The following ZMAT4 variants were observed in gnomAD, a reference collection of about 807,000 sequenced individuals.
ZMAT4 encodes the protein zinc finger matrin-type protein 4.
In ZMAT4, 17 loss-of-function variants were observed where a neutral mutation model predicts 28.7. The observed-to-expected ratio is 0.59, with a 90% confidence interval of 0.41 to 0.89. ZMAT4 has a LOEUF of 0.89. Among genes scored for constraint, ZMAT4 ranks in the 40% least tolerant of loss-of-function variants. ZMAT4 has a pLI of 0.00. For missense variants in ZMAT4, 240 were observed against 283.8 expected, an observed-to-expected ratio of 0.85 and a Z score of 1.11; for synonymous variants, 117 against 109.2, an observed-to-expected ratio of 1.07 and a Z score of -0.44.
At chr8:40,561,857 T>A (rs1803752980) in intron 6 of ZMAT4, among the ~76,000 whole-genome samples, 1 of 152,176 alleles carries the variant, frequency 6.6e-6, no homozygotes. Context: ...TCTTCCAATA[T>A]GGCCCAGGGA....
At chr8:40,684,177 G>T (rs1318631460) in intron 4 of ZMAT4, among the ~76,000 whole-genome samples, 2 of 152,112 alleles carry the variant, frequency 1.3e-5, no homozygotes, top group African/African-American at 4.8e-5. Flanking sequence ...TCGTCCTAAG[G>T]GAATAGCAAA....
At chr8:40,566,123 A>C (rs566002848) in intron 6 of ZMAT4, among the ~76,000 whole-genome samples, 1 of 152,150 alleles carries the variant, frequency 6.6e-6, no homozygotes, top group East Asian at 1.9e-4. Context: ...TAAACTATTG[A>C]CCAAATCAAG....
intron 5 of ZMAT4, among the ~76,000 whole-genome samples, chr8:40,582,419 C>T (rs1293410152): frequency 1.3e-5 from 2 of 152,026 alleles, no homozygotes; most frequent in East Asian, 3.9e-4. Context: ...AGTTCAAGAT[C>T]ACAGTGAGGT....
chr8:40,698,815 G>T (rs768258200), intron 3 of ZMAT4, among the ~76,000 whole-genome samples: 40 of 152,116 alleles, frequency 2.6e-4, no homozygotes, highest in Non-Finnish European at 5.3e-4. Context: ...CTTGCCTGAA[G>T]TTCAGGGAGA....
Position 40,574,014 on chromosome 8 carries a change from C to A in ZMAT4, c.674+7151G>T, listed in dbSNP as rs554393134. ...AATATAAATCTGATACCTCTATAAT[C>A]ACTGGCACCTGAATACTTATGTTTA... On this transcript the variant is annotated intron_variant, in intron 6 of 6. Coordinates refer to ENST00000297737, the MANE Select transcript of ZMAT4 (RefSeq NM_024645.3). 1.7e-4 allele frequency among the ~76,000 whole-genome samples: 26 copies of A among 152,312 alleles called. No homozygotes were observed. The South Asian group carries it at 2.1e-3, about 12-fold the overall frequency.
At chr8:40,649,765 A>G (rs574142590) in intron 5 of ZMAT4, among the ~76,000 whole-genome samples, 2 of 152,298 alleles carry the variant, frequency 1.3e-5, no homozygotes, top group East Asian at 3.9e-4. Flanking sequence ...CTCAGGATTA[A>G]TAATCTCACT....
chr8:40,656,646 A>G (rs1025291499), intron 5 of ZMAT4, among the ~76,000 whole-genome samples: 13 of 152,290 alleles, frequency 8.5e-5, no homozygotes, highest in East Asian at 5.8e-4. Context: ...AATGACCCTT[A>G]AACACATTAT....
At position 40,532,125 on chromosome 8, in the gene ZMAT4, A is replaced by T; in HGVS notation, c.*98T>A. The T allele has an allele frequency of 8.7e-7, 1 of 1,146,538 alleles. No homozygotes were observed. Among genetic ancestry groups the T allele is most frequent in the Non-Finnish European group, 1.2e-6 (1 of 836,966 alleles). 71.0% of individuals were successfully genotyped at this position (1,146,538 alleles called of 1,614,324 possible). A position where few individuals can be genotyped will look rare whatever the true frequency, so the allele number is the denominator to read the frequency against. The stretch of plus-strand genomic sequence containing the variant: ...CTGTGAATCCTTATAAGAAATGTTT[A>T]TTGTTCAAGAAAGAAGCCTCCTCTG... On this transcript the variant is annotated 3_prime_UTR_variant, in exon 7 of 7. Coordinates refer to ENST00000297737, the MANE Select transcript of ZMAT4 (RefSeq NM_024645.3).
intron 3 of ZMAT4, among the ~76,000 whole-genome samples, chr8:40,731,653 GAC>G (rs879914715): frequency 2.6e-5 from 4 of 152,176 alleles, no homozygotes; most frequent in Non-Finnish European, 5.9e-5. Flanking sequence ...AAATCTATGA[GAC>G]AAACACTTGA....
intron 6 of ZMAT4, among the ~76,000 whole-genome samples, chr8:40,559,803 A>ATATACACAACCACATAAG (rs1259906281): frequency 2.0e-5 from 3 of 152,120 alleles, no homozygotes; most frequent in African/African-American, 7.2e-5. Context: ...AAACACACAG[A>ATATACACAACCACATAAG]TATACACAAC....
At chr8:40,693,792 G>A (rs573503530) in intron 4 of ZMAT4, among the ~76,000 whole-genome samples, 10 of 152,198 alleles carry the variant, frequency 6.6e-5, no homozygotes, top group Non-Finnish European at 1.5e-4. Flanking sequence ...TCTGGAGAAG[G>A]CGACTCAAGT....
At chr8:40,551,038 A>G (rs1803354993) in intron 6 of ZMAT4, among the ~76,000 whole-genome samples, 1 of 152,156 alleles carries the variant, frequency 6.6e-6, no homozygotes, top group Admixed American at 6.6e-5. Context: ...TGTATCTATT[A>G]TGCTTCATTT....
intron 2 of ZMAT4, among the ~76,000 whole-genome samples, chr8:40,789,435 T>G (rs536912120): frequency 6.6e-6 from 1 of 152,212 alleles, no homozygotes; most frequent in South Asian, 2.1e-4. Flanking sequence ...AATTGCAAAA[T>G]GAAAGACTGA....
chr8:40,679,045 G>T (rs955200603), intron 4 of ZMAT4, among the ~76,000 whole-genome samples: 3 of 152,054 alleles, frequency 2.0e-5, no homozygotes, highest in Non-Finnish European at 4.4e-5. Context: ...TGGATCTATG[G>T]TTGATTCAGA....
intron 5 of ZMAT4, among the ~76,000 whole-genome samples, chr8:40,635,011 C>T (rs1377458570): frequency 6.6e-6 from 1 of 152,124 alleles, no homozygotes; most frequent in Non-Finnish European, 1.5e-5. Flanking sequence ...TCCATTCTGT[C>T]TCCCCATTTA....
chr8:40,832,044 G>A (rs1586134431), intron 1 of ZMAT4, among the ~76,000 whole-genome samples: 1 of 152,154 alleles, frequency 6.6e-6, no homozygotes, highest in African/African-American at 2.4e-5. Context: ...CCTAAGGGGC[G>A]CTCAGTTTTC....
At chr8:40,764,141 A>G (rs1260470324) in intron 3 of ZMAT4, among the ~76,000 whole-genome samples, 1 of 152,174 alleles carries the variant, frequency 6.6e-6, no homozygotes, top group African/African-American at 2.4e-5. Flanking sequence ...GTGAACACTG[A>G]AGTCCTTTCT....
chr8:40,868,912 G>A (rs758571802), intron 1 of ZMAT4, among the ~76,000 whole-genome samples: 17 of 152,176 alleles, frequency 1.1e-4, no homozygotes, highest in Non-Finnish European at 2.1e-4. Context: ...TGCATGTGGT[G>A]TCCCTATTTT....
chr8:40,803,779 G>A (rs964720865), intron 2 of ZMAT4, among the ~76,000 whole-genome samples: 13 of 152,152 alleles, frequency 8.5e-5, no homozygotes, highest in Admixed American at 5.2e-4. Flanking sequence ...GCCTGCACAC[G>A]AATATTTATA....
Sources: gnomAD v4.1 joint callset for allele counts (sites outside exome capture counted in the v4.1 genomes callset) on GRCh38, gnomAD v4.1.1 for gene constraint, MANE v1.5 for transcripts, NCBI Gene and HGNC (gene_info 2026-07-23, HGNC 2026-07-21) for gene names.